Variants in NAV3 observed in about 807,000 individuals in gnomAD.
NAV3 encodes pore membrane and/or filament interacting like protein 1.
NAV3 carries 87 observed loss-of-function variants against 244.7 expected under a neutral mutation model. The observed-to-expected ratio is 0.36, with a 90% CI of 0.30 to 0.42. NAV3 has a LOEUF of 0.42. Among genes scored for constraint, NAV3 ranks in the 20% least tolerant of loss-of-function variants. The pLI, the probability that NAV3 is intolerant of heterozygous loss-of-function variation, is 1.00. For missense variants in NAV3, 2,663 were observed against 2,893.3 expected (o/e 0.92, Z 1.83); for synonymous variants, 1,126 against 1,042.2 (o/e 1.08, Z -1.55).
chr12:78,028,123 A>G (rs1593318145), intron 9 of NAV3, among the ~76,000 whole-genome samples: 1 of 152,148 alleles, frequency 6.6e-6, no homozygotes, highest in African/African-American at 2.4e-5. Context: ...CTCCATTGAA[A>G]GTGATGAACA....
intron 2 of NAV3, among the ~76,000 whole-genome samples, chr12:77,625,219 G>T (rs1165639413): frequency 1.3e-5 from 2 of 151,686 alleles, no homozygotes; most frequent in African/African-American, 4.8e-5. Context: ...TATGTTTAAT[G>T]GTCACTTTTA....
intron 1 of NAV3, among the ~76,000 whole-genome samples, chr12:77,913,026 T>C (rs543675703): frequency 6.6e-6 from 1 of 152,230 alleles, no homozygotes; most frequent in East Asian, 1.9e-4. Context: ...TTTCAGTTTA[T>C]ATTTGAGACA....
At chr12:77,739,934 C>T (rs1341505699) in intron 2 of NAV3, among the ~76,000 whole-genome samples, 1 of 152,080 alleles carries the variant, frequency 6.6e-6, no homozygotes, top group Non-Finnish European at 1.5e-5. Flanking sequence ...AATTTTTTCG[C>T]TATAAATTTA....
chr12:78,204,419 A>C (rs1960072252), intron 38 of NAV3, among the ~76,000 whole-genome samples: 1 of 152,218 alleles, frequency 6.6e-6, no homozygotes, highest in African/African-American at 2.4e-5. Flanking sequence ...AGTTGATCAC[A>C]GGAAAATTGT....
chr12:77,756,249 G>C (rs973801321), intron 2 of NAV3, among the ~76,000 whole-genome samples: 1 of 152,104 alleles, frequency 6.6e-6, no homozygotes, highest in Admixed American at 6.5e-5. Flanking sequence ...AGTGTTTATA[G>C]AAATAGGGTT....
intron 31 of NAV3, among the ~76,000 whole-genome samples, chr12:78,187,255 G>T (rs573404203): frequency 3.8e-4 from 57 of 151,848 alleles, no homozygotes; most frequent in Non-Finnish European, 7.2e-4. Flanking sequence ...GAGATTGAGG[G>T]TCTGAGCCAG....
At chr12:77,646,273 T>C (rs1220030460) in intron 2 of NAV3, among the ~76,000 whole-genome samples, 2 of 152,170 alleles carry the variant, frequency 1.3e-5, no homozygotes, top group East Asian at 3.9e-4. Flanking sequence ...AGGAAGCAGC[T>C]GCAATTTCTA....
intron 34 of NAV3, among the ~76,000 whole-genome samples, chr12:78,192,572 A>AT (rs1166979239): frequency 6.6e-6 from 1 of 151,208 alleles, no homozygotes; most frequent in Non-Finnish European, 1.5e-5. Flanking sequence ...CACCCAGCTA[A>AT]TTTTTTTAAT....
intron 2 of NAV3, among the ~76,000 whole-genome samples, chr12:77,624,321 G>A (rs190042566): frequency 5.3e-5 from 8 of 152,192 alleles, no homozygotes; most frequent in South Asian, 2.1e-4. Flanking sequence ...GAGAACTAGC[G>A]GAAAGTTGCA....
At chr12:78,157,912 C>T (rs1957373916) in intron 22 of NAV3, among the ~76,000 whole-genome samples, 1 of 151,848 alleles carries the variant, frequency 6.6e-6, no homozygotes, top group Non-Finnish European at 1.5e-5. Context: ...TTGTTTTTCT[C>T]CATATTGCAG....
chr12:78,119,418 G>T lies in NAV3; in HGVS notation c.3222G>T (p.Gly1074=). Residue 1074 remains glycine (G), a synonymous_variant, in exon 15 of 40, where the codon GGG becomes GGT. Coordinates refer to ENST00000397909, the MANE Select transcript of NAV3 (RefSeq NM_001024383.2). ...SFGFKKPSGV[G]SSAMITSSGA... ...GCTTTAAGAAACCAAGTGGAGTAGGGTCATCTGCCATGATCACCAGCAGTG... is the reference window on the plus strand; with the variant it reads ...GCTTTAAGAAACCAAGTGGAGTAGGTTCATCTGCCATGATCACCAGCAGTG... 6.2e-7 allele frequency: 1 copy of T among 1,614,180 alleles called. No individual in the cohort carries two copies.
rs141924991 is a variant in NAV3, at chr12:77,891,751, C to T, written c.244-48568C>T. ...CCAAAGCCAGCAGCTGCAGAGACGG[C>T]TTTAAAGTCTTGCTTTCCAGTGTAA... On this transcript the variant is annotated intron_variant, in intron 1 of 39. Coordinates refer to ENST00000397909, the MANE Select transcript of NAV3 (RefSeq NM_001024383.2). Among the ~76,000 whole-genome samples the T allele has an allele frequency of 7.9e-5, 12 of 152,284 alleles. No homozygotes were observed. In the East Asian group the frequency reaches 2.1e-3, roughly 27 times the overall value.
intron 1 of NAV3, among the ~76,000 whole-genome samples, chr12:77,938,931 CGTGTGTGT>C (rs35392593): frequency 2.1e-5 from 3 of 142,496 alleles, no homozygotes; most frequent in Non-Finnish European, 3.1e-5. Flanking sequence ...AATGTGATCT[CGTGTGTGT>C]GTGTGTGTGT....
chr12:77,989,266 AT>A (rs1871058469), intron 5 of NAV3, among the ~76,000 whole-genome samples: 1 of 152,220 alleles, frequency 6.6e-6, no homozygotes. Context: ...GTAGAAGGAC[AT>A]AAAAACGGGA....
intron 2 of NAV3, among the ~76,000 whole-genome samples, chr12:77,718,313 C>A (rs921346265): frequency 6.6e-6 from 1 of 152,098 alleles, no homozygotes; most frequent in African/African-American, 2.4e-5. Context: ...TTTCCCATCA[C>A]CATTTGTTTA....
intron 1 of NAV3, among the ~76,000 whole-genome samples, chr12:77,852,748 G>A (rs991868537): frequency 6.6e-6 from 1 of 152,066 alleles, no homozygotes; most frequent in African/African-American, 2.4e-5. Context: ...TTTCCAGCTA[G>A]TAGAGAATAG....
chr12:77,748,635 C>T (rs1592644505), intron 2 of NAV3, among the ~76,000 whole-genome samples: 1 of 152,032 alleles, frequency 6.6e-6, no homozygotes, highest in Non-Finnish European at 1.5e-5. Flanking sequence ...ATAAATCAGG[C>T]AGGAAAAGAC....
chr12:78,156,971 T>C (rs1957329807), intron 22 of NAV3, among the ~76,000 whole-genome samples: 1 of 152,158 alleles, frequency 6.6e-6, no homozygotes, highest in Non-Finnish European at 1.5e-5. Context: ...TTGGGTGGTT[T>C]TTAAAACAGG....
chr12:77,705,391 G>A (rs1182177989), intron 2 of NAV3, among the ~76,000 whole-genome samples: 1 of 151,436 alleles, frequency 6.6e-6, no homozygotes, highest in African/African-American at 2.4e-5. Context: ...GTGACAGCAC[G>A]AGACTCTGTC....
Sources: gnomAD v4.1 joint callset for allele counts (sites outside exome capture counted in the v4.1 genomes callset) on GRCh38, gnomAD v4.1.1 for gene constraint, MANE v1.5 for transcripts, NCBI Gene and HGNC (gene_info 2026-07-23, HGNC 2026-07-21) for gene names.